The following CCDC107 variants were observed in gnomAD, a reference collection of about 807,000 sequenced individuals.
CCDC107 encodes coiled-coil domain-containing protein 107.
In CCDC107, 17 loss-of-function variants were observed where a neutral mutation model predicts 17.9. The observed-to-expected ratio is 0.95, with a 90% confidence interval of 0.65 to 1.42. The LOEUF (loss-of-function observed/expected upper bound fraction) is 1.42, where lower values mean the gene tolerates loss of function less well. Ranked by LOEUF, CCDC107 falls within the 40% of genes most tolerant of loss-of-function variation. The probability of loss-of-function intolerance (pLI) is 0.00; values close to 1 mark genes in which losing one functional copy is unlikely to be tolerated. For synonymous variants in CCDC107, 170 were observed against 157.2 expected (o/e 1.08, Z -0.61); for missense variants, 388 against 360.1 (o/e 1.08, Z -0.63).
rs1323924577 is a variant in CCDC107, at chr9:35,661,114, G to A, written c.779G>A (p.Gly260Asp). 1 of 1,613,900 alleles carries A rather than the reference G, an allele frequency of 6.2e-7. No homozygotes were observed. The highest frequency in any genetic ancestry group is 1.3e-5 in the African/African-American group (1 of 74,924). The change falls in exon 5 of 5, where the codon GGC (glycine) becomes GAC (aspartate). Residue 260 changes from glycine to aspartate, a missense_variant. Transcript: ENST00000426546. ...RRRCSQAVAKGPSHSLGWEGG... is the reference protein window; with the variant it reads ...RRRCSQAVAKDPSHSLGWEGG... ...AGGTGCAGCCAGGCTGTGGCAAAGG[G>A]CCCCAGTCACAGCCTTGGCTGGGAA...
Position 35,658,638 on chromosome 9 carries a change from C to G in CCDC107, c.169C>G (p.Gln57Glu). 1 of 1,570,386 alleles carries G rather than the reference C, an allele frequency of 6.4e-7. No individual in the cohort carries two copies. Among genetic ancestry groups the G allele is most frequent in the Non-Finnish European group, 8.6e-7 (1 of 1,161,008 alleles). Residue 57 changes from glutamine to glutamate, a missense_variant, in exon 2 of 5, where the codon CAA becomes GAA. Gln to Glu is a conservative substitution (Grantham distance 29). Transcript: ENST00000426546. The part of the protein sequence containing the change: ...EPRRRPPLKD[Q>E]RERTRAGSLP... ...CCGGCGGCGACCACCGCTCAAGGAT[C>G]AACGCGAGCGGACCCGGGCCGGGTC... is the stretch of plus-strand genomic sequence containing the variant.
chr9:35,660,756 C>G lies in CCDC107; in HGVS notation c.421C>G (p.Leu141Val), dbSNP rs754250887. The G allele has an allele frequency of 1.3e-5, 21 of 1,613,772 alleles. No homozygotes were observed. The change falls in exon 5 of 5, where the codon CTG becomes GTG. Residue 141 changes from leucine (L) to valine (V), a missense_variant. Transcript: ENST00000426546. Reference protein sequence around the residue: ...LDPLFERVTTLAGAQQELLNM... With the variant: ...LDPLFERVTTVAGAQQELLNM... The stretch of plus-strand genomic sequence containing the variant: ...TGGACATTTCTTCAGTGTGACTACT[C>G]TGGCTGGAGCCCAGCAGGAGCTTCT...
Position 35,660,385 on chromosome 9 carries a change from CCTT to C in CCDC107, c.259-11_259-9del, listed in dbSNP as rs760477591. 4.4e-6 allele frequency: 7 copies of C among 1,581,716 alleles called. No individual in the cohort carries two copies. Among genetic ancestry groups the C allele is most frequent in the African/African-American group, 1.4e-5 (1 of 74,036 alleles). The stretch of plus-strand genomic sequence containing the variant: ...CCTTGTTGCTTCAGTACTGCCCTTT[CCTT>C]CTTCCACAACAGGGGAAAGATGAAA... On this transcript the variant is annotated splice_polypyrimidine_tract_variant and intron_variant, in intron 2 of 4. Transcript: ENST00000426546.
chr9:35,661,161 C>G lies in CCDC107; in HGVS notation c.826C>G (p.Arg276Gly), dbSNP rs749959956. ...GGAAGGAGGGACGACAGCTGAAGGTCGACTAAAACAAAGTCTGTTTTCATG... is the reference window on the plus strand; with the variant it reads ...GGAAGGAGGGACGACAGCTGAAGGTGGACTAAAACAAAGTCTGTTTTCATG... ...GWEGGTTAEG[R>G]LKQSLFS is the part of the protein sequence containing the mutation. The change falls in exon 5 of 5, where the codon CGA (arginine) becomes GGA (glycine). Residue 276 changes from arginine (R) to glycine (G), a missense_variant. Physicochemically the swap from Arg to Gly is moderately radical, Grantham distance 125. Transcript: ENST00000426546. 3 of 1,603,916 alleles carry G rather than the reference C, an allele frequency of 1.9e-6. No individual in the cohort carries two copies. The African/African-American group carries it at 4.0e-5, about 22-fold the overall frequency.
At position 35,658,356 on chromosome 9, in the gene CCDC107, G is replaced by A. The variant is rs1006950252; in HGVS notation, c.-24G>A. ...CGGACCGCTTCGGCACCGCCCGCCC[G>A]ATCCCTCCACCCGTGGGCCGGCAAT... On this transcript the variant is annotated 5_prime_UTR_variant, in exon 1 of 5. Coordinates refer to ENST00000426546, the MANE Select transcript of CCDC107 (RefSeq NM_174923.3). 2 of 1,359,558 alleles carry A rather than the reference G, an allele frequency of 1.5e-6. No homozygotes were observed. The highest frequency in any genetic ancestry group is 1.5e-5 in the African/African-American group (1 of 65,730). 84.2% of individuals were successfully genotyped at this position (1,359,558 alleles called of 1,614,324 possible).
chr9:35,660,281 G>A, intron 2 of CCDC107, 120 bp from the exon 3 acceptor site: 1 of 834,910 alleles, frequency 1.2e-6, no homozygotes, highest in East Asian at 2.5e-5. Flanking sequence ...ATTCTCTGAG[G>A]TAAAAACCCA....
intron 2 of CCDC107, 171 bp from the exon 3 acceptor site, chr9:35,660,230 C>T: frequency 1.7e-6 from 1 of 595,066 alleles, no homozygotes; most frequent in East Asian, 2.9e-5. Context: ...TAGGACGTCG[C>T]TTCATATGCT....
chr9:35,659,476 TTGAC>T (rs1294488559), intron 2 of CCDC107: 1 of 152,174 alleles, frequency 6.6e-6, no homozygotes, highest in Admixed American at 6.5e-5. Context: ...GGCATTCCAG[TTGAC>T]TGAGTTCACT....
At position 35,660,746 on chromosome 9, in the gene CCDC107, T is replaced by C; in HGVS notation, c.411T>C (p.Arg137=). The part of the protein sequence containing the change: ...LMAQLDPLFE[R]VTTLAGAQQE... ...AGCCACTGAGTGGACATTTCTTCAG[T>C]GTGACTACTCTGGCTGGAGCCCAGC... The change falls in exon 5 of 5, where the codon CGT becomes CGC. Residue 137 remains arginine (R), a splice_region_variant and synonymous_variant. Transcript: ENST00000426546. 1.2e-6 allele frequency: 2 copies of C among 1,613,914 alleles called. No homozygotes were observed. The highest frequency in any genetic ancestry group is 1.7e-6 in the Non-Finnish European group (2 of 1,179,848).
In CCDC107 at chr9:35,660,558, G is replaced by GCAACAGCTGGCCCAGTTGACA. The variant is rs764290730; in HGVS notation, c.337_357dup (p.Leu113_Gln119dup). On this transcript the variant is annotated inframe_insertion and splice_region_variant, in exon 4 of 5. Coordinates refer to ENST00000426546, the MANE Select transcript of CCDC107 (RefSeq NM_174923.3). ...CCCCCTTTTTTCCCTTATCCCCAGA[G>GCAACAGCTGGCCCAGTTGACA]CAACAGCTGGCCCAGTTGACACAAC... 6.2e-7 allele frequency: 1 copy of GCAACAGCTGGCCCAGTTGACA among 1,614,178 alleles called. No individual in the cohort carries two copies. Among genetic ancestry groups the GCAACAGCTGGCCCAGTTGACA allele is most frequent in the Non-Finnish European group, 8.5e-7 (1 of 1,180,044 alleles).
At position 35,658,745 on chromosome 9, in the gene CCDC107, G is replaced by A. The variant is rs753909313; in HGVS notation, c.258+18G>A. The A allele has an allele frequency of 3.4e-6, 5 of 1,459,322 alleles. No individual in the cohort carries two copies. The highest frequency in any genetic ancestry group is 2.7e-5 in the East Asian group (1 of 36,692). 90.4% of individuals were successfully genotyped at this position (1,459,322 alleles called of 1,614,324 possible). A position where few individuals can be genotyped will look rare whatever the true frequency, so the allele number is the denominator to read the frequency against. ...GTTTGCAGGTACGGGGCGGCCGGGGGTAGGGGTGCCCCTGCAGGTGCGGGA... is the reference window on the plus strand; with the variant it reads ...GTTTGCAGGTACGGGGCGGCCGGGGATAGGGGTGCCCCTGCAGGTGCGGGA... On this transcript the variant is annotated intron_variant, in intron 2 of 4. Coordinates refer to ENST00000426546, the MANE Select transcript of CCDC107 (RefSeq NM_174923.3).
chr9:35,659,271 C>T (rs1425562604), intron 2 of CCDC107: 1 of 152,260 alleles, frequency 6.6e-6, no homozygotes, highest in Non-Finnish European at 1.5e-5. Context: ...TAAAATAGAA[C>T]CGATGGAACC....
chr9:35,660,674 TTTTGGGGAATTTGTGGCAGGAGGGAGGAA>T, intron 4 of CCDC107, 27 bp downstream of exon 4: 2 of 1,613,968 alleles, frequency 1.2e-6, no homozygotes, highest in South Asian at 2.2e-5. Flanking sequence ...TTCTGTGAAT[TTTTGGGGAATTTGTGGCAGGAGGGAGGAA>T]TGGGGACATA....
chr9:35,660,871 G>A lies in CCDC107; in HGVS notation c.536G>A (p.Gly179Glu), dbSNP rs1428750330. 1.2e-6 allele frequency: 2 copies of A among 1,614,190 alleles called. No homozygotes were observed. The highest frequency in any genetic ancestry group is 1.7e-4 in the Middle Eastern group (1 of 6,060). ...GCTTCAGAACCAGGTGAAGGCTCGG[G>A]AGGCGAGTCTGCTGGAGGTGGAGAC... Reference protein sequence around the residue: ...MEASEPGEGSGGESAGGGDKV... With the variant: ...MEASEPGEGSEGESAGGGDKV... Residue 179 changes from glycine to glutamate, a missense_variant, in exon 5 of 5, where the codon GGA (glycine) becomes GAA (glutamate). Coordinates refer to ENST00000426546, the MANE Select transcript of CCDC107 (RefSeq NM_174923.3).
Position 35,660,426 on chromosome 9 carries a change from A to G in CCDC107, c.284A>G (p.His95Arg), listed in dbSNP as rs1331572465. ...LQGKDETAVLHEEASKQQPLQ... is the reference protein window; with the variant it reads ...LQGKDETAVLREEASKQQPLQ... Reference sequence around the variant, plus strand: ...GGGAAAGATGAAACTGCGGTTCTCCACGAGGAGGCAAGCAAGCAGCAGCCA... The same window carrying G: ...GGGAAAGATGAAACTGCGGTTCTCCGCGAGGAGGCAAGCAAGCAGCAGCCA... The change falls in exon 3 of 5, where the codon CAC becomes CGC. Residue 95 changes from histidine (H) to arginine (R), a missense_variant. Physicochemically the swap from His to Arg is conservative, Grantham distance 29. Transcript: ENST00000426546. The G allele has an allele frequency of 6.2e-7, 1 of 1,610,774 alleles. No individual in the cohort carries two copies. Among genetic ancestry groups the G allele is most frequent in the Non-Finnish European group, 8.5e-7 (1 of 1,178,494 alleles).
Position 35,658,304 on chromosome 9 carries a change from G to C in CCDC107, c.-76G>C. ...AGCCGGCCGGCCTGCTCGCGTGCGC[G>C]TGCGCGTTGGGGCGGCCGGCCAATG... On this transcript the variant is annotated 5_prime_UTR_variant, in exon 1 of 5. Coordinates refer to ENST00000426546, the MANE Select transcript of CCDC107 (RefSeq NM_174923.3). 8.1e-7 allele frequency: 1 copy of C among 1,229,508 alleles called. No individual in the cohort carries two copies. Among genetic ancestry groups the C allele is most frequent in the Non-Finnish European group, 1.0e-6 (1 of 963,982 alleles). The allele number at this position is 1,229,508 out of a possible 1,614,324, so 76.2% of individuals were successfully genotyped here. A position where few individuals can be genotyped will look rare whatever the true frequency, so the allele number is the denominator to read the frequency against.
At position 35,658,482 on chromosome 9, in the gene CCDC107, C is replaced by T. The variant is rs1405980065; in HGVS notation, c.103C>T (p.Pro35Ser). Residue 35 changes from proline to serine, a missense_variant, in exon 1 of 5, where the codon CCA becomes TCA. Physicochemically the swap from Pro to Ser is moderately conservative, Grantham distance 74 (BLOSUM62 -1). Coordinates refer to ENST00000426546, the MANE Select transcript of CCDC107 (RefSeq NM_174923.3). ...DRANPDLRAH[P>S]GNAAHPGSGA... ...CGCCAATCCCGACCTCCGGGCACAC[C>T]CAGGTACCAGCTAGGGCTGCTGGAG... The T allele has an allele frequency of 2.0e-6, 3 of 1,475,184 alleles. No homozygotes were observed. The highest frequency in any genetic ancestry group is 2.7e-6 in the Non-Finnish European group (3 of 1,113,250). The allele number at this position is 1,475,184 out of a possible 1,614,324, so 91.4% of individuals were successfully genotyped here.
In CCDC107 at chr9:35,658,467, G is replaced by A; in HGVS notation, c.88G>A (p.Asp30Asn). ...SGVLGDRANP[D>N]LRAHPGNAAH... ...GGTCCTAGGAGACCGCGCCAATCCC[G>A]ACCTCCGGGCACACCCAGGTACCAG... The change falls in exon 1 of 5, where the codon GAC becomes AAC. Residue 30 changes from aspartate to asparagine, a missense_variant. Transcript: ENST00000426546. 1.4e-6 allele frequency: 2 copies of A among 1,472,402 alleles called. No homozygotes were observed. Among genetic ancestry groups the A allele is most frequent in the South Asian group, 1.3e-5 (1 of 76,326 alleles). 91.2% of individuals were successfully genotyped at this position (1,472,402 alleles called of 1,614,324 possible).
At position 35,661,370 on chromosome 9, in the gene CCDC107, C is replaced by A; in HGVS notation, c.*183C>A. On this transcript the variant is annotated 3_prime_UTR_variant, in exon 5 of 5. Transcript: ENST00000426546. Reference sequence around the variant, plus strand: ...CTTTTCCTCGTATTCCTGAGGCCACCAGCATGCCCGCGTTCAGGGCCCAAA... The same window carrying A: ...CTTTTCCTCGTATTCCTGAGGCCACAAGCATGCCCGCGTTCAGGGCCCAAA... 2 of 504,396 alleles carry A rather than the reference C, an allele frequency of 4.0e-6. No homozygotes were observed. Among genetic ancestry groups the A allele is most frequent in the Admixed American group, 3.7e-5 (1 of 26,912 alleles). 31.2% of individuals were successfully genotyped at this position (504,396 alleles called of 1,614,324 possible). A position where few individuals can be genotyped will look rare whatever the true frequency, so the allele number is the denominator to read the frequency against.
Sources: allele counts gnomAD v4.1 joint callset, GRCh38; gene constraint gnomAD v4.1.1; transcripts MANE v1.5; gene names NCBI Gene and HGNC (gene_info 2026-07-23, HGNC 2026-07-21).